RPS6KA2: variants seen among roughly 807,000 people sequenced by gnomAD.
RPS6KA2 encodes the protein ribosomal protein S6 kinase A2, also known as ribosomal protein S6 kinase alpha-2.
A neutral mutation model predicts 91.8 loss-of-function variants in RPS6KA2; 42 were observed. That is an observed-to-expected ratio of 0.46 (90% CI 0.36 to 0.59). RPS6KA2 has a LOEUF of 0.59. RPS6KA2 is among the 20% of genes least tolerant of loss of function. The pLI is 0.00. For synonymous variants in RPS6KA2, 414 were observed against 393.6 expected (o/e 1.05, Z -0.61); for missense variants, 798 against 978.5 (o/e 0.82, Z 2.46).
intron 2 of RPS6KA2, among the ~76,000 whole-genome samples, chr6:166,641,719 CAAA>C (rs71032871): frequency 7.4e-4 from 21 of 28,544 alleles, no homozygotes; most frequent in Admixed American, 2.2e-3. Flanking sequence ...GACTCTGTCA[CAAA>C]AAAAAAAAAA....
At chr6:166,785,852 A>G (rs1778915104) in intron 2 of RPS6KA2, among the ~76,000 whole-genome samples, 1 of 152,256 alleles carries the variant, frequency 6.6e-6, no homozygotes, top group Admixed American at 6.5e-5. Flanking sequence ...GTATAAAGAC[A>G]AGGTATTGCC....
chr6:166,578,785 G>A (rs936937762), intron 1 of RPS6KA2, among the ~76,000 whole-genome samples: 3 of 152,184 alleles, frequency 2.0e-5, no homozygotes, highest in Admixed American at 6.5e-5. Context: ...GCTCAGCTCC[G>A]AGGTCTTCCA....
At position 166,419,813 on chromosome 6, in the gene RPS6KA2, C is replaced by T. The variant is rs545170288; in HGVS notation, c.1820+69G>A. ...CTAGGACAGGGCTGGCCCTGGTCCC[C>T]TGACAGATCAGCCACTGAGGCTGCT... On this transcript the variant is annotated intron_variant, in intron 18 of 20. Transcript: ENST00000265678. The surrounding 1 kb of genome is among the most constrained non-coding windows in gnomAD (Gnocchi z 5.6). 21 of 1,431,602 alleles carry T rather than the reference C, an allele frequency of 1.5e-5. No homozygotes were observed. The highest frequency in any genetic ancestry group is 2.1e-5 in the Non-Finnish European group (21 of 1,015,866). 88.7% of individuals were successfully genotyped at this position (1,431,602 alleles called of 1,614,324 possible).
At chr6:166,591,204 C>T (rs892267397) in intron 1 of RPS6KA2, among the ~76,000 whole-genome samples, 3 of 152,228 alleles carry the variant, frequency 2.0e-5, no homozygotes, top group African/African-American at 7.2e-5. Context: ...TCAGCAAACA[C>T]ACCCTCCACG....
At chr6:166,676,674 T>C (rs1318380045) in intron 2 of RPS6KA2, among the ~76,000 whole-genome samples, 1 of 152,160 alleles carries the variant, frequency 6.6e-6, no homozygotes, top group Admixed American at 6.5e-5. Context: ...TAATAAGACT[T>C]TTCCCCTTGA....
chr6:166,808,316 G>A (rs1041394224), intron 2 of RPS6KA2, among the ~76,000 whole-genome samples: 10 of 152,174 alleles, frequency 6.6e-5, no homozygotes, highest in African/African-American at 2.2e-4. Flanking sequence ...GACCTGCAGC[G>A]TGGTCTGAAG....
rs1415477529 is a variant in RPS6KA2, at chr6:166,825,016, G to A, written c.123+33184C>T. On this transcript the variant is annotated intron_variant, in intron 2 of 21. Transcript: ENST00000503859. The surrounding 1 kb of genome is among the most constrained non-coding windows in gnomAD (Gnocchi z 4.1). ...TGAAGCCATGAGCGGAGCACCCCAG[G>A]GAGCTGCCTTCCCGTCCGTCTTCTG... Among the ~76,000 whole-genome samples the A allele has an allele frequency of 2.0e-5, 3 of 152,256 alleles. No homozygotes were observed. Among genetic ancestry groups the A allele is most frequent in the African/African-American group, 7.2e-5 (3 of 41,462 alleles).
At chr6:166,658,149 TGA>T (rs1788054136) in intron 2 of RPS6KA2, among the ~76,000 whole-genome samples, 1 of 152,190 alleles carries the variant, frequency 6.6e-6, no homozygotes, top group South Asian at 2.1e-4. Flanking sequence ...CCCAAAGTGC[TGA>T]GAGTACAGGC....
intron 2 of RPS6KA2, among the ~76,000 whole-genome samples, chr6:166,672,780 C>T (rs781264055): frequency 1.3e-5 from 2 of 152,232 alleles, no homozygotes; most frequent in Non-Finnish European, 2.9e-5. Context: ...CCTGCTGCTT[C>T]TGTGTGTAGT....
chr6:166,747,712 G>T (rs73788114), intron 2 of RPS6KA2, among the ~76,000 whole-genome samples: 3,169 of 152,322 alleles, frequency 0.021, 108 homozygotes, highest in African/African-American at 0.072. Context: ...TTACAGCAAG[G>T]CTTCAGAGCA....
rs1787155700 is a variant in RPS6KA2 at position 166,633,884 on chromosome 6, T to G, written c.124-95100A>C. Reference sequence around the variant, plus strand: ...ATGAGTCAGCGGAACGTGCCACGCTTTAAGGCAGACAAACATGCAGCTGGC... The same window carrying G: ...ATGAGTCAGCGGAACGTGCCACGCTGTAAGGCAGACAAACATGCAGCTGGC... On this transcript the variant is annotated intron_variant, in intron 2 of 21. Transcript: ENST00000503859. Among the ~76,000 whole-genome samples, 3 of 152,142 alleles carry G rather than the reference T, an allele frequency of 2.0e-5. No individual in the cohort carries two copies. The South Asian group carries it at 6.2e-4, about 32-fold the overall frequency.
chr6:166,511,613 C>G (rs891128418), intron 3 of RPS6KA2, among the ~76,000 whole-genome samples: 2 of 152,222 alleles, frequency 1.3e-5, no homozygotes, highest in South Asian at 4.1e-4. Flanking sequence ...GGACCTCACA[C>G]AGCCCCATGA....
At chr6:166,702,494 C>G in intron 2 of RPS6KA2, 1 of 1,577,300 alleles carries the variant, frequency 6.3e-7, no homozygotes, top group Non-Finnish European at 8.7e-7. Context: ...GTTTCCGAGT[C>G]AGTGTTCACT....
chr6:166,618,698 A>G (rs1786506764), intron 1 of RPS6KA2, among the ~76,000 whole-genome samples: 1 of 152,214 alleles, frequency 6.6e-6, no homozygotes, highest in South Asian at 2.1e-4. Flanking sequence ...GTTACATCCA[A>G]GCTTCGGGAG....
chr6:166,748,560 C>T (rs186278211), intron 2 of RPS6KA2, among the ~76,000 whole-genome samples: 3,357 of 96,166 alleles, frequency 0.035, 79 homozygotes, highest in East Asian at 0.057. Flanking sequence ...GGGCCCCCAC[C>T]TCCTCAGGCC....
chr6:166,845,765 A>T (rs1282391483), intron 2 of RPS6KA2, among the ~76,000 whole-genome samples: 1 of 152,170 alleles, frequency 6.6e-6, no homozygotes, highest in African/African-American at 2.4e-5. Flanking sequence ...AAAGTCTAAA[A>T]GAGCACAAAT....
At chr6:166,553,671 C>T (rs942144957) in intron 1 of RPS6KA2, among the ~76,000 whole-genome samples, 3 of 152,076 alleles carry the variant, frequency 2.0e-5, no homozygotes, top group Non-Finnish European at 4.4e-5. Context: ...TCAATGCTCA[C>T]ATATTATCAC....
chr6:166,513,024 G>A (rs936586291), intron 3 of RPS6KA2, among the ~76,000 whole-genome samples: 7 of 152,226 alleles, frequency 4.6e-5, no homozygotes, highest in Non-Finnish European at 7.3e-5. Context: ...GGGCCACACC[G>A]GAAAAACTGT....
At chr6:166,636,918 T>G (rs1787260860) in intron 2 of RPS6KA2, among the ~76,000 whole-genome samples, 1 of 152,176 alleles carries the variant, frequency 6.6e-6, no homozygotes, top group African/African-American at 2.4e-5. Context: ...TAAAAAAAAG[T>G]GCTGAGAGGC....
Sources: allele counts gnomAD v4.1 joint callset (sites outside exome capture counted in the v4.1 genomes callset), GRCh38; gene constraint gnomAD v4.1.1; non-coding constraint Gnocchi (gnomAD v3.1); transcripts MANE v1.5; gene names NCBI Gene and HGNC (gene_info 2026-07-23, HGNC 2026-07-21).